The following RAB39A variants were observed in gnomAD, a reference collection of about 807,000 sequenced individuals.
RAB39A encodes ras-related protein Rab-39A.
In RAB39A, 17 loss-of-function variants were observed where a neutral mutation model predicts 20.9. The ratio of observed to expected loss-of-function variants is 0.81; its 90% CI spans 0.56 to 1.22. The LOEUF (loss-of-function observed/expected upper bound fraction) is 1.22, where lower values mean the gene tolerates loss of function less well. RAB39A is among the 50% of genes most tolerant of loss of function. RAB39A has a pLI of 0.00. For missense variants in RAB39A, 234 were observed against 270.5 expected (o/e 0.87, Z 0.95); for synonymous variants, 99 against 103.4 (o/e 0.96, Z 0.26).
intron 1 of RAB39A, among the ~76,000 whole-genome samples, chr11:107,948,611 C>T (rs1226403561): frequency 2.6e-5 from 4 of 152,062 alleles, no homozygotes; most frequent in Admixed American, 1.3e-4. Flanking sequence ...GGTGATTCTC[C>T]CACCTCAGCC....
At chr11:107,933,234 G>T (rs1861155100) in intron 1 of RAB39A, among the ~76,000 whole-genome samples, 2 of 151,784 alleles carry the variant, frequency 1.3e-5, no homozygotes, top group Admixed American at 6.6e-5. Flanking sequence ...GGCCTTTGGG[G>T]TATTAATGTC....
rs201908218 is a variant in RAB39A, at chr11:107,928,527, C to T, written c.-42C>T. 3.7e-3 allele frequency: 5,109 copies of T among 1,388,146 alleles called. 12 individuals are homozygous for T. Among genetic ancestry groups the T allele is most frequent in the Non-Finnish European group, 4.5e-3 (4,747 of 1,048,418 alleles). 86.0% of individuals were successfully genotyped at this position (1,388,146 alleles called of 1,614,324 possible). On this transcript the variant is annotated 5_prime_UTR_variant, in exon 1 of 2. Transcript: ENST00000320578. The surrounding 1 kb of genome is among the most constrained non-coding windows in gnomAD (Gnocchi z 4.9). ...GACAGTTCCCGCCGCCGAACTTAGCCCGCGGGTGGGGCGGCCCGGGAGCCA... is the reference window on the plus strand; with the variant it reads ...GACAGTTCCCGCCGCCGAACTTAGCTCGCGGGTGGGGCGGCCCGGGAGCCA...
chr11:107,935,720 A>C (rs956764863), intron 1 of RAB39A, among the ~76,000 whole-genome samples: 2 of 151,716 alleles, frequency 1.3e-5, no homozygotes, highest in Non-Finnish European at 2.9e-5. Context: ...GCAAGAATCG[A>C]TATTATTATC....
At chr11:107,953,639 G>T (rs1013443963) in intron 1 of RAB39A, among the ~76,000 whole-genome samples, 1 of 152,162 alleles carries the variant, frequency 6.6e-6, no homozygotes, top group Non-Finnish European at 1.5e-5. Context: ...TATCAGCAAA[G>T]TTCAGAGTCA....
chr11:107,939,098 G>T (rs561518391), intron 1 of RAB39A, among the ~76,000 whole-genome samples: 2 of 151,606 alleles, frequency 1.3e-5, no homozygotes, highest in Non-Finnish European at 2.9e-5. Flanking sequence ...AAAAAAATTA[G>T]CTAGGCGTGG....
chr11:107,946,436 G>GTGTGTGTGTA (rs1315934948), intron 1 of RAB39A, among the ~76,000 whole-genome samples: 7 of 30,480 alleles, frequency 2.3e-4, no homozygotes, highest in East Asian at 1.3e-3. Context: ...GTGTGTGTGT[G>GTGTGTGTGTA]TATATATATA....
chr11:107,934,724 C>T lies in RAB39A; in HGVS notation c.227+5929C>T, dbSNP rs548641705. On this transcript the variant is annotated intron_variant, in intron 1 of 1. Coordinates refer to ENST00000320578, the MANE Select transcript of RAB39A (RefSeq NM_017516.3). ...AGTGGATCACCTGAAGTCAGGAGTT[C>T]GAGACCAGCCTGGCCAAACATGGTG... Among the ~76,000 whole-genome samples, 7 of 43,032 alleles carry T rather than the reference C, an allele frequency of 1.6e-4. No individual in the cohort carries two copies. The East Asian group carries it at 4.1e-3, about 25-fold the overall frequency. The allele number at this position is 43,032 out of a possible 152,430, so 28.2% of individuals were successfully genotyped here.
intron 1 of RAB39A, among the ~76,000 whole-genome samples, chr11:107,946,848 G>T (rs561601660): frequency 2.0e-5 from 3 of 151,868 alleles, no homozygotes; most frequent in African/African-American, 7.2e-5. Context: ...AGCACTTTGG[G>T]AGGCTGAGGC....
intron 1 of RAB39A, among the ~76,000 whole-genome samples, chr11:107,947,728 T>G (rs1861332820): frequency 6.8e-6 from 1 of 147,688 alleles, no homozygotes; most frequent in Non-Finnish European, 1.5e-5. Flanking sequence ...GGCTTGAGAC[T>G]TTCCAGAAAC....
chr11:107,934,165 C>A (rs576405844), intron 1 of RAB39A, among the ~76,000 whole-genome samples: 4 of 152,060 alleles, frequency 2.6e-5, no homozygotes, highest in African/African-American at 9.7e-5. Context: ...CGGTGAGTCA[C>A]GTCTGTAATC....
chr11:107,946,436 G>GTA (rs1565464268), intron 1 of RAB39A, among the ~76,000 whole-genome samples: 135 of 30,466 alleles, frequency 4.4e-3, no homozygotes, highest in African/African-American at 5.3e-3. Flanking sequence ...GTGTGTGTGT[G>GTA]TATATATATA....
At chr11:107,959,640 G>A (rs1861475356) in intron 1 of RAB39A, among the ~76,000 whole-genome samples, 1 of 152,102 alleles carries the variant, frequency 6.6e-6, no homozygotes, top group South Asian at 2.1e-4. Context: ...AAACAGGGAA[G>A]CAGGAGAAAT....
chr11:107,956,536 A>G (rs1861438741), intron 1 of RAB39A, among the ~76,000 whole-genome samples: 1 of 152,222 alleles, frequency 6.6e-6, no homozygotes, highest in Non-Finnish European at 1.5e-5. Flanking sequence ...CTATGGAGTG[A>G]TTAGTAAGAG....
At chr11:107,957,819 C>A (rs1033025665) in intron 1 of RAB39A, among the ~76,000 whole-genome samples, 8 of 152,126 alleles carry the variant, frequency 5.3e-5, no homozygotes, top group Non-Finnish European at 7.4e-5. Flanking sequence ...TGCTTCTGTT[C>A]TTTTCTTCCC....
chr11:107,939,534 C>T (rs1172383718), intron 1 of RAB39A, among the ~76,000 whole-genome samples: 5 of 150,276 alleles, frequency 3.3e-5, no homozygotes, highest in East Asian at 1.9e-4. Context: ...GGCGTGAACC[C>T]GGGAGGCAAA....
chr11:107,962,383 G>T lies in RAB39A; in HGVS notation c.*11G>T. 1 of 1,584,794 alleles carries T rather than the reference G, an allele frequency of 6.3e-7. No homozygotes were observed. The highest frequency in any genetic ancestry group is 8.6e-7 in the Non-Finnish European group (1 of 1,161,854). On this transcript the variant is annotated 3_prime_UTR_variant, in exon 2 of 2. Coordinates refer to ENST00000320578, the MANE Select transcript of RAB39A (RefSeq NM_017516.3). ...GAATGCTTCTGCTGACTTCAAACATGCTGAAGAACTAACAGGAACAGATTG... is the reference window on the plus strand; with the variant it reads ...GAATGCTTCTGCTGACTTCAAACATTCTGAAGAACTAACAGGAACAGATTG...
rs1861513848 is a variant in RAB39A at position 107,962,873 on chromosome 11, C to T, written c.*501C>T. ...TAAAGTACCAGGTTTTTTCCCCATT[C>T]TCTGGAAATGTTTGTCCTCCCTTAA... On this transcript the variant is annotated 3_prime_UTR_variant, in exon 2 of 2. Transcript: ENST00000320578. The T allele has an allele frequency of 6.6e-6, 1 of 152,202 alleles. No homozygotes were observed. Among genetic ancestry groups the T allele is most frequent in the Non-Finnish European group, 1.5e-5 (1 of 68,070 alleles). The allele number at this position is 152,202 out of a possible 1,614,324, so 9.4% of individuals were successfully genotyped here.
At chr11:107,949,946 G>A (rs1430002771) in intron 1 of RAB39A, among the ~76,000 whole-genome samples, 1 of 152,080 alleles carries the variant, frequency 6.6e-6, no homozygotes. Context: ...GCCGAGGCGG[G>A]CGTATTACAA....
chr11:107,932,715 GT>G (rs1217001812), intron 1 of RAB39A, among the ~76,000 whole-genome samples: 1 of 152,050 alleles, frequency 6.6e-6, no homozygotes, highest in Non-Finnish European at 1.5e-5. Context: ...ATAAATTTTG[GT>G]TTTGTTTTGT....
Sources: gnomAD v4.1 joint callset for allele counts (sites outside exome capture counted in the v4.1 genomes callset) on GRCh38, gnomAD v4.1.1 for gene constraint, Gnocchi (gnomAD v3.1) non-coding constraint, MANE v1.5 for transcripts, NCBI Gene and HGNC (gene_info 2026-07-23, HGNC 2026-07-21) for gene names.